GPR89B: variants seen among roughly 807,000 people sequenced by gnomAD.
GPR89B encodes the protein golgi pH regulator B.
In GPR89B, 25 loss-of-function variants were observed where a neutral mutation model predicts 52.4. The observed-to-expected ratio is 0.48, with a 90% confidence interval of 0.35 to 0.67. GPR89B has a LOEUF of 0.67. GPR89B is among the 30% of genes least tolerant of loss of function. GPR89B has a pLI of 0.01. For missense variants in GPR89B, 146 were observed against 450.2 expected (o/e 0.32, Z 6.11); for synonymous variants, 52 against 151.2 (o/e 0.34, Z 4.81).
At chr1:148,023,417 G>A in the GPR89B span, among the ~76,000 whole-genome samples, 2 of 145,938 alleles carry the variant, frequency 1.4e-5, no homozygotes, top group Non-Finnish European at 3.0e-5. Flanking sequence ...GAGCGCATGT[G>A]TCTTTTTGTT....
the GPR89B span, among the ~76,000 whole-genome samples, chr1:148,018,306 C>T: frequency 6.9e-6 from 1 of 144,928 alleles, no homozygotes; most frequent in Admixed American, 6.8e-5. Flanking sequence ...TTAGTCCCAG[C>T]TACTCCTGAG....
chr1:147,991,759 G>T (rs1273321154), intron 12 of GPR89B, among the ~76,000 whole-genome samples: 1 of 152,052 alleles, frequency 6.6e-6, no homozygotes, highest in Non-Finnish European at 1.5e-5. Context: ...TTATTGATTT[G>T]CATATGTTGA....
rs1290900149 is a variant in GPR89B at position 147,988,699 on chromosome 1, C to G, written c.1095+178C>G. On this transcript the variant is annotated intron_variant, in intron 12 of 13. Transcript: ENST00000314163. ...CCAACATGGTGAAACCCCATCTCTA[C>G]TAAAAATACAACAAATTAGCTGGGT... Among the ~76,000 whole-genome samples, 385 of 145,020 alleles carry G rather than the reference C, an allele frequency of 2.7e-3. 6 individuals carry two copies. The highest frequency in any genetic ancestry group is 3.3e-3 in the East Asian group (16 of 4,880).
chr1:147,999,945 A>G, the GPR89B span, among the ~76,000 whole-genome samples: 3 of 152,354 alleles, frequency 2.0e-5, no homozygotes, highest in Admixed American at 1.3e-4. Flanking sequence ...AGGAATTCCA[A>G]GTATGGTCTG....
chr1:147,961,778 C>T (rs1339041886), intron 7 of GPR89B, among the ~76,000 whole-genome samples: 4 of 151,900 alleles, frequency 2.6e-5, no homozygotes, highest in East Asian at 1.9e-4. Context: ...GTATATAGGA[C>T]TTGTTTGCTG....
At chr1:147,984,629 T>A (rs2149091593) in intron 10 of GPR89B, among the ~76,000 whole-genome samples, 1 of 151,320 alleles carries the variant, frequency 6.6e-6, no homozygotes, top group South Asian at 2.1e-4. Context: ...TGATTGGAGA[T>A]CTTTGCTGAT....
rs1178908619 is a variant in GPR89B, at chr1:147,928,426, C to A, written c.-111C>A. 3 of 1,320,454 alleles carry A rather than the reference C, an allele frequency of 2.3e-6. No individual in the cohort carries two copies. Among genetic ancestry groups the A allele is most frequent in the Non-Finnish European group, 2.1e-6 (2 of 937,450 alleles). 81.8% of individuals were successfully genotyped at this position (1,320,454 alleles called of 1,614,324 possible). A position where few individuals can be genotyped will look rare whatever the true frequency, so the allele number is the denominator to read the frequency against. ...GGCGTCGGGCTGGAGAGCCGCAGTC[C>A]CGGCTGCAGCACCTGGGAGAAGGCA... On this transcript the variant is annotated 5_prime_UTR_variant, in exon 1 of 14. Transcript: ENST00000314163.
intron 12 of GPR89B, among the ~76,000 whole-genome samples, chr1:147,991,644 T>G (rs1659077498): frequency 6.6e-6 from 1 of 152,016 alleles, no homozygotes; most frequent in South Asian, 2.1e-4. Flanking sequence ...ATTTATTGAG[T>G]TTTTAGCATG....
chr1:147,981,880 G>C (rs1571310739), intron 10 of GPR89B, among the ~76,000 whole-genome samples: 1 of 151,008 alleles, frequency 6.6e-6, no homozygotes, highest in East Asian at 2.0e-4. Flanking sequence ...CTCAACTCCT[G>C]ACCTCAGGTG....
chr1:147,931,622 G>A (rs1553247013), intron 1 of GPR89B, among the ~76,000 whole-genome samples: 1 of 147,084 alleles, frequency 6.8e-6, no homozygotes, highest in African/African-American at 2.5e-5. Flanking sequence ...TTTTAGATTT[G>A]GTACTTGTGC....
At chr1:147,935,849 C>T (rs1654039385) in intron 1 of GPR89B, among the ~76,000 whole-genome samples, 1 of 152,130 alleles carries the variant, frequency 6.6e-6, no homozygotes, top group Non-Finnish European at 1.5e-5. Flanking sequence ...ATCTTCCCAC[C>T]TCAGCCTCCC....
chr1:148,015,717 A>T, the GPR89B span, among the ~76,000 whole-genome samples: 6 of 149,898 alleles, frequency 4.0e-5, no homozygotes, highest in Non-Finnish European at 8.9e-5. Flanking sequence ...TGATTTTATG[A>T]TTACATATAA....
At chr1:148,014,856 G>A in the GPR89B span, 1 of 151,866 alleles carries the variant, frequency 6.6e-6, no homozygotes, top group South Asian at 2.1e-4. Context: ...AGTGGACGAG[G>A]GGCAGGACGG....
chr1:147,934,662 C>A (rs1291231596), intron 1 of GPR89B, among the ~76,000 whole-genome samples: 1 of 152,154 alleles, frequency 6.6e-6, no homozygotes, highest in African/African-American at 2.4e-5. Context: ...GAAAATCTGT[C>A]CTAACCCCCT....
chr1:147,992,562 A>G lies in GPR89B; in HGVS notation c.1156A>G (p.Ile386Val). ...SNVIVLLLAQ[I>V]MGMYFVSSVL... ...TGTCATTGTCCTGCTATTAGCACAG[A>G]TAATGGTAAGTTTAATTAGTTACCT... The change falls in exon 13 of 14, where the codon ATA becomes GTA. Residue 386 changes from isoleucine (I) to valine (V), a missense_variant. Coordinates refer to ENST00000314163, the MANE Select transcript of GPR89B (RefSeq NM_016334.5). 7 of 1,611,724 alleles carry G rather than the reference A, an allele frequency of 4.3e-6. No individual in the cohort carries two copies. The highest frequency in any genetic ancestry group is 5.9e-6 in the Non-Finnish European group (7 of 1,179,638).
chr1:148,008,275 T>G, the GPR89B span, among the ~76,000 whole-genome samples: 3 of 152,248 alleles, frequency 2.0e-5, no homozygotes, highest in African/African-American at 7.2e-5. Context: ...CCATTCACCA[T>G]GTGCATTAGC....
intron 12 of GPR89B, among the ~76,000 whole-genome samples, chr1:147,988,888 G>A (rs1453522321): frequency 5.6e-5 from 8 of 142,492 alleles, no homozygotes; most frequent in African/African-American, 1.8e-4. Flanking sequence ...GTGGTACCAT[G>A]AGATAATTTT....
intron 2 of GPR89B, among the ~76,000 whole-genome samples, chr1:147,937,639 C>G (rs781993344): frequency 2.6e-5 from 4 of 152,170 alleles, no homozygotes; most frequent in Non-Finnish European, 5.9e-5. Context: ...CAGTATTTCT[C>G]CTACTCGCTT....
chr1:147,943,600 C>T, intron 4 of GPR89B, 56 bp downstream of exon 4: 22 of 1,582,102 alleles, frequency 1.4e-5, no homozygotes, highest in Non-Finnish European at 1.5e-5. Flanking sequence ...TTTGAGGGGA[C>T]TTAAATTGTG....
Sources: allele counts gnomAD v4.1 joint callset (sites outside exome capture counted in the v4.1 genomes callset), GRCh38; gene constraint gnomAD v4.1.1; transcripts MANE v1.5; gene names NCBI Gene and HGNC (gene_info 2026-07-23, HGNC 2026-07-21).